Variants in SLC38A8 observed in about 807,000 individuals in gnomAD.
The protein encoded by SLC38A8 is solute carrier family 38 member 8.
A neutral mutation model predicts 46.0 loss-of-function variants in SLC38A8; 65 were observed. The observed-to-expected ratio is 1.41, with a 90% CI of 1.16 to 1.74. The LOEUF is 1.74. Among genes scored for constraint, SLC38A8 ranks in the 40% most tolerant of loss-of-function variants. SLC38A8 has a pLI of 0.00. For synonymous variants in SLC38A8, 447 were observed against 243.7 expected, an observed-to-expected ratio of 1.83 and a Z score of -7.77; for missense variants, 998 against 567.9, an observed-to-expected ratio of 1.76 and a Z score of -7.70.
intron 10 of SLC38A8, among the ~76,000 whole-genome samples, chr16:84,012,575 G>C (rs1041923655): frequency 6.6e-6 from 1 of 152,206 alleles, no homozygotes; most frequent in African/African-American, 2.4e-5. Context: ...AAAGGACCTA[G>C]CTCAGTGCCT....
At position 84,029,481 on chromosome 16, in the gene SLC38A8, A is replaced by T; in HGVS notation, c.690+13T>A. The T allele has an allele frequency of 6.2e-7, 1 of 1,613,966 alleles. No homozygotes were observed. The highest frequency in any genetic ancestry group is 8.5e-7 in the Non-Finnish European group (1 of 1,179,906). ...GCAAACGCCACAGGCTGCAACACAG[A>T]TGCTAAAATTACCTGAAACCCGAAG... is the stretch of plus-strand genomic sequence containing the variant. On this transcript the variant is annotated intron_variant, in intron 6 of 10. Coordinates refer to ENST00000299709, the MANE Select transcript of SLC38A8 (RefSeq NM_001080442.3).
At chr16:84,017,477 G>T (rs2085044475) in intron 7 of SLC38A8, among the ~76,000 whole-genome samples, 190 bp from the exon 8 acceptor site, 1 of 152,180 alleles carries the variant, frequency 6.6e-6, no homozygotes, top group Non-Finnish European at 1.5e-5. Context: ...AGGGATTCAA[G>T]ACCCCTGCAG....
intron 7 of SLC38A8, among the ~76,000 whole-genome samples, chr16:84,018,460 C>A (rs1212303953): frequency 1.3e-5 from 2 of 152,020 alleles, no homozygotes; most frequent in African/African-American, 4.8e-5. Context: ...ACCTCGTGAT[C>A]CACCCGCCCT....
intron 6 of SLC38A8, among the ~76,000 whole-genome samples, chr16:84,025,912 C>T (rs547414156): frequency 1.4e-4 from 21 of 152,314 alleles, no homozygotes; most frequent in South Asian, 4.1e-4. Context: ...GCAGGGGGGA[C>T]GCAACCCCTC....
intron 9 of SLC38A8, among the ~76,000 whole-genome samples, 162 bp from the exon 10 acceptor site, chr16:84,013,214 G>T (rs1282619245): frequency 6.6e-6 from 1 of 152,324 alleles, no homozygotes; most frequent in East Asian, 1.9e-4. Context: ...GGAGCTGGAA[G>T]GACGGGGCTG....
At chr16:84,032,433 T>C (rs1281744448) in intron 4 of SLC38A8, among the ~76,000 whole-genome samples, 1 of 152,210 alleles carries the variant, frequency 6.6e-6, no homozygotes, top group Non-Finnish European at 1.5e-5. Context: ...GTGATCTGCC[T>C]GCCTTGGCCT....
intron 4 of SLC38A8, among the ~76,000 whole-genome samples, chr16:84,032,937 T>A (rs1055792948): frequency 2.0e-4 from 16 of 81,830 alleles, no homozygotes; most frequent in African/African-American, 8.7e-4. Context: ...TACGTGGGTG[T>A]GCATGGGTGG....
chr16:84,016,901 G>C (rs139090000), intron 8 of SLC38A8, 174 bp from the exon 9 acceptor site: 13 of 984,478 alleles, frequency 1.3e-5, no homozygotes, highest in Non-Finnish European at 1.7e-5. Flanking sequence ...TGCCACCATC[G>C]GGCAGCCCAT....
chr16:84,013,746 T>TAA lies in SLC38A8; in HGVS notation c.1163-696_1163-695dup, dbSNP rs1342057751. Among the ~76,000 whole-genome samples, 52 of 142,710 alleles carry TAA rather than the reference T, an allele frequency of 3.6e-4. 1 individual carries two copies. Among genetic ancestry groups the TAA allele is most frequent in the Non-Finnish European group, 5.5e-4 (36 of 65,592 alleles). The allele number at this position is 142,710 out of a possible 152,430, so 93.6% of individuals were successfully genotyped here. On this transcript the variant is annotated intron_variant, in intron 9 of 10. Transcript: ENST00000299709. ...ACCCAGCCCTTTTTTTTTTTTTTTTTAAATAGTTCTGCTAGGATTCAGGGC... is the reference window on the plus strand; with the variant it reads ...ACCCAGCCCTTTTTTTTTTTTTTTTTAAAAATAGTTCTGCTAGGATTCAGGGC...
chr16:84,030,441 G>A (rs963668893), intron 5 of SLC38A8, among the ~76,000 whole-genome samples: 1 of 152,100 alleles, frequency 6.6e-6, no homozygotes, highest in Non-Finnish European at 1.5e-5. Context: ...GCCATGTCTG[G>A]GCCAACGTCA....
At position 84,041,847 on chromosome 16, in the gene SLC38A8, T is replaced by C. The variant is rs1036418692; in HGVS notation, c.189+122A>G. The C allele has an allele frequency of 1.5e-4, 131 of 883,122 alleles. 1 individual carries two copies. The highest frequency in any genetic ancestry group is 3.0e-4 in the Admixed American group (12 of 39,520). The allele number at this position is 883,122 out of a possible 1,614,324, so 54.7% of individuals were successfully genotyped here. ...CTCATTAGCTGAGCGGGATAGAAAA[T>C]AAAACCCCGAAGCTATAGCTTACAG... On this transcript the variant is annotated intron_variant, in intron 2 of 10. Transcript: ENST00000299709.
intron 4 of SLC38A8, 100 bp from the exon 5 acceptor site, chr16:84,032,068 A>C: frequency 3.9e-6 from 4 of 1,031,880 alleles, no homozygotes; most frequent in Non-Finnish European, 5.9e-6. Flanking sequence ...GCCCTTGACA[A>C]TGAGGTGCTG....
At chr16:84,029,449 A>G (rs1168921286) in intron 6 of SLC38A8, 45 bp downstream of exon 6, 1 of 1,605,988 alleles carries the variant, frequency 6.2e-7, no homozygotes, top group East Asian at 2.2e-5. Context: ...AGTCACCCAC[A>G]GCCTCTGCAA....
At chr16:84,037,007 G>C in intron 2 of SLC38A8, 107 bp from the exon 3 acceptor site, 1 of 1,167,016 alleles carries the variant, frequency 8.6e-7, no homozygotes, top group Non-Finnish European at 1.2e-6. Flanking sequence ...ATCCACAGAG[G>C]CCAGGGCTGC....
intron 9 of SLC38A8, 143 bp downstream of exon 9, chr16:84,016,375 TA>T: frequency 1.1e-6 from 1 of 875,580 alleles, no homozygotes; most frequent in Non-Finnish European, 1.7e-6. Flanking sequence ...CCTGGCTCAA[TA>T]AAAAGGGCAC....
At chr16:84,037,680 G>C (rs969429331) in intron 2 of SLC38A8, among the ~76,000 whole-genome samples, 7 of 151,612 alleles carry the variant, frequency 4.6e-5, no homozygotes, top group Non-Finnish European at 8.8e-5. Flanking sequence ...AAAATCTCTT[G>C]AACCTGGGAG....
chr16:84,020,141 GTTT>G (rs55834950), intron 7 of SLC38A8, among the ~76,000 whole-genome samples: 11 of 136,086 alleles, frequency 8.1e-5, no homozygotes, highest in Non-Finnish European at 1.1e-4. Flanking sequence ...AACATCCGTT[GTTT>G]TTTTTTTTTT....
At chr16:84,011,724 A>G (rs1203692050) in intron 10 of SLC38A8, among the ~76,000 whole-genome samples, 1 of 152,190 alleles carries the variant, frequency 6.6e-6, no homozygotes, top group Non-Finnish European at 1.5e-5. Context: ...AGGTATCCTT[A>G]TAAAAGAAAG....
At position 84,031,855 on chromosome 16, in the gene SLC38A8, C is replaced by G. The variant is rs2085243265; in HGVS notation, c.632+12G>C. Reference sequence around the variant, plus strand: ...CCGCCGAGGCTGCCGGAAGCTGTTCCCTCAGACTTACCTCAGTGAAGGATG... The same window carrying G: ...CCGCCGAGGCTGCCGGAAGCTGTTCGCTCAGACTTACCTCAGTGAAGGATG... On this transcript the variant is annotated intron_variant, in intron 5 of 10. Coordinates refer to ENST00000299709, the MANE Select transcript of SLC38A8 (RefSeq NM_001080442.3). The G allele has an allele frequency of 4.3e-6, 7 of 1,612,920 alleles. No homozygotes were observed. The highest frequency in any genetic ancestry group is 1.3e-5 in the African/African-American group (1 of 74,930).
Sources: gnomAD v4.1 joint callset for allele counts (sites outside exome capture counted in the v4.1 genomes callset) on GRCh38, gnomAD v4.1.1 for gene constraint, MANE v1.5 for transcripts, NCBI Gene and HGNC (gene_info 2026-07-23, HGNC 2026-07-21) for gene names.